PRKG1: variants seen among roughly 807,000 people sequenced by gnomAD.
PRKG1 encodes cGMP-dependent protein kinase 1.
In PRKG1, 35 loss-of-function variants were observed where a neutral mutation model predicts 88.1. The observed-to-expected ratio is 0.40, with a 90% confidence interval of 0.30 to 0.53. The LOEUF is 0.53. PRKG1 is among the 20% of genes least tolerant of loss of function. The pLI is 0.59. For missense variants in PRKG1, 540 were observed against 839.8 expected (o/e 0.64, Z 4.41); for synonymous variants, 303 against 292.5 (o/e 1.04, Z -0.37).
intron 4 of PRKG1, among the ~76,000 whole-genome samples, chr10:51,902,713 C>A (rs1375598842): frequency 6.6e-6 from 1 of 152,026 alleles, no homozygotes; most frequent in Non-Finnish European, 1.5e-5. Context: ...AACAGCACAC[C>A]TATCATAAAC....
chr10:51,697,943 A>ATACCTC (rs1841344174), intron 3 of PRKG1: 1 of 1,596,646 alleles, frequency 6.3e-7, no homozygotes, highest in African/African-American at 1.4e-5. Context: ...TTGTATACTG[A>ATACCTC]CTCCTTGTAT....
chr10:52,080,127 C>G (rs1208419894), intron 7 of PRKG1, among the ~76,000 whole-genome samples: 2 of 152,178 alleles, frequency 1.3e-5, no homozygotes, highest in African/African-American at 4.8e-5. Flanking sequence ...CCTAAATTCT[C>G]AAGAAATATG....
intron 2 of PRKG1, among the ~76,000 whole-genome samples, chr10:51,225,109 A>G (rs1838655889): frequency 6.6e-6 from 1 of 152,210 alleles, no homozygotes; most frequent in African/African-American, 2.4e-5. Flanking sequence ...TATAAACAAC[A>G]GAAATTTATT....
chr10:51,050,905 G>A (rs1195950919), intron 1 of PRKG1, among the ~76,000 whole-genome samples: 1 of 152,060 alleles, frequency 6.6e-6, no homozygotes, highest in Non-Finnish European at 1.5e-5. Context: ...GATGATTAAT[G>A]TTGAATACCT....
chr10:52,070,378 C>T (rs1405895781), intron 7 of PRKG1, among the ~76,000 whole-genome samples: 3 of 152,186 alleles, frequency 2.0e-5, no homozygotes, highest in Non-Finnish European at 4.4e-5. Context: ...AGTCAAATCA[C>T]CATTCCTTTG....
At chr10:51,276,871 A>T (rs949925977) in intron 2 of PRKG1, among the ~76,000 whole-genome samples, 3 of 152,326 alleles carry the variant, frequency 2.0e-5, no homozygotes, top group African/African-American at 7.2e-5. Flanking sequence ...GCCCTTTGTC[A>T]GATGAGCAGA....
At chr10:51,048,209 A>G (rs1388890566) in intron 1 of PRKG1, among the ~76,000 whole-genome samples, 2 of 151,100 alleles carry the variant, frequency 1.3e-5, no homozygotes, top group African/African-American at 4.9e-5. Context: ...GTTCTTTCCT[A>G]TTTTCCTTTC....
intron 4 of PRKG1, among the ~76,000 whole-genome samples, chr10:51,889,040 C>A (rs1037228309): frequency 6.8e-6 from 1 of 147,762 alleles, no homozygotes; most frequent in African/African-American, 2.5e-5. Context: ...ATTTGCAGAG[C>A]CCTCCACTTA....
intron 9 of PRKG1, among the ~76,000 whole-genome samples, chr10:52,244,004 TGAA>T (rs1427546636): frequency 6.6e-6 from 1 of 152,134 alleles, no homozygotes. Flanking sequence ...TCAAATTCCC[TGAA>T]GAAGAGATTA....
At chr10:51,043,120 T>G (rs1358801328) in intron 1 of PRKG1, among the ~76,000 whole-genome samples, 1 of 152,184 alleles carries the variant, frequency 6.6e-6, no homozygotes, top group Non-Finnish European at 1.5e-5. Context: ...ACTTCCTTAC[T>G]GAGCAGTCAT....
At chr10:51,366,776 TTTC>T (rs936863408) in intron 2 of PRKG1, among the ~76,000 whole-genome samples, 1 of 151,978 alleles carries the variant, frequency 6.6e-6, no homozygotes, top group African/African-American at 2.4e-5. Context: ...TTCTTCAAAA[TTTC>T]TTCATTTTTT....
chr10:51,775,390 T>A (rs1838407736), intron 3 of PRKG1, among the ~76,000 whole-genome samples: 1 of 152,134 alleles, frequency 6.6e-6, no homozygotes, highest in African/African-American at 2.4e-5. Flanking sequence ...TATTAATATT[T>A]CAAATAGATG....
At chr10:51,354,319 C>T (rs1189311) in intron 2 of PRKG1, among the ~76,000 whole-genome samples, 98,108 of 151,820 alleles carry the variant, frequency 0.65, 31,985 homozygotes, top group Middle Eastern at 0.74. Context: ...AATTGGATTG[C>T]TTGTACCCCA....
chr10:51,246,588 G>A (rs1839296944), intron 2 of PRKG1, among the ~76,000 whole-genome samples: 1 of 143,652 alleles, frequency 7.0e-6, no homozygotes, highest in Non-Finnish European at 1.5e-5. Context: ...CTAACCCCTG[G>A]CATTAAACAG....
At chr10:51,445,766 A>C (rs1839254875) in intron 2 of PRKG1, among the ~76,000 whole-genome samples, 1 of 151,844 alleles carries the variant, frequency 6.6e-6, no homozygotes, top group Admixed American at 6.6e-5. Flanking sequence ...GACTGGACAC[A>C]TCATTCTCCA....
intron 3 of PRKG1, among the ~76,000 whole-genome samples, chr10:51,496,657 A>G (rs896227418): frequency 4.6e-5 from 7 of 152,126 alleles, no homozygotes; most frequent in Admixed American, 4.6e-4. Context: ...TGTTCAGACC[A>G]TTACTGATGG....
chr10:51,543,849 GCTT>G (rs1240595550), intron 3 of PRKG1, among the ~76,000 whole-genome samples: 4 of 152,150 alleles, frequency 2.6e-5, no homozygotes, highest in Admixed American at 1.3e-4. Context: ...GAATAAGGAA[GCTT>G]TAGTTCAGAC....
At chr10:51,277,322 G>T (rs181399061) in intron 2 of PRKG1, among the ~76,000 whole-genome samples, 309 of 152,120 alleles carry the variant, frequency 2.0e-3, no homozygotes, top group Middle Eastern at 3.4e-3. Flanking sequence ...TTGGTCTATA[G>T]CTCTGTTTTG....
chr10:52,083,658 G>A (rs1846836532), intron 7 of PRKG1, among the ~76,000 whole-genome samples: 1 of 151,966 alleles, frequency 6.6e-6, no homozygotes, highest in South Asian at 2.1e-4. Context: ...CAGACGCAAG[G>A]GAGAGATTTA....
Sources: gnomAD v4.1 joint callset for allele counts (sites outside exome capture counted in the v4.1 genomes callset) on GRCh38, gnomAD v4.1.1 for gene constraint, MANE v1.5 for transcripts, NCBI Gene and HGNC (gene_info 2026-07-23, HGNC 2026-07-21) for gene names.